The following AKAP6 variants were observed in gnomAD, a reference collection of about 807,000 sequenced individuals.
AKAP6 encodes A-kinase anchor protein 6.
Under a neutral mutation model 188.5 loss-of-function variants are expected in AKAP6, and 58 were observed. That is an observed-to-expected ratio of 0.31 (90% confidence interval 0.25 to 0.38). The LOEUF (loss-of-function observed/expected upper bound fraction) is 0.38, where lower values mean the gene tolerates loss of function less well. AKAP6 is among the 10% of genes least tolerant of loss of function. The pLI is 1.00. For missense variants in AKAP6, 2,710 were observed against 2,740.0 expected, an observed-to-expected ratio of 0.99 and a Z score of 0.24; for synonymous variants, 989 against 998.6, an observed-to-expected ratio of 0.99 and a Z score of 0.18.
At chr14:32,718,384 G>A (rs982495591) in intron 9 of AKAP6, 10 of 959,058 alleles carry the variant, frequency 1.0e-5, no homozygotes, top group Non-Finnish European at 1.2e-5. Context: ...ACAAATATGG[G>A]TAGGTACCCA....
intron 5 of AKAP6, among the ~76,000 whole-genome samples, chr14:32,582,740 C>G (rs1196274091): frequency 6.6e-6 from 1 of 152,124 alleles, no homozygotes; most frequent in East Asian, 1.9e-4. Context: ...TCATTCATTT[C>G]ATCTTCCATC....
chr14:32,608,390 C>CTTAGGA (rs1886213400), intron 7 of AKAP6, among the ~76,000 whole-genome samples: 1 of 150,006 alleles, frequency 6.7e-6, no homozygotes, highest in Non-Finnish European at 1.5e-5. Flanking sequence ...GTCCCAGCTA[C>CTTAGGA]TTAGGAGGCT....
chr14:32,593,171 A>G (rs1378394332), intron 5 of AKAP6, among the ~76,000 whole-genome samples: 4 of 152,130 alleles, frequency 2.6e-5, no homozygotes, highest in African/African-American at 9.7e-5. Flanking sequence ...ATAAGAAATA[A>G]GTCTAGTTTT....
chr14:32,727,071 T>C (rs912900830), intron 9 of AKAP6, among the ~76,000 whole-genome samples: 1 of 152,154 alleles, frequency 6.6e-6, no homozygotes, highest in African/African-American at 2.4e-5. Context: ...TCTAAGGGGA[T>C]AGAGAACCGT....
intron 12 of AKAP6, among the ~76,000 whole-genome samples, chr14:32,799,552 G>C (rs1051170292): frequency 4.0e-5 from 6 of 151,738 alleles, no homozygotes; most frequent in Non-Finnish European, 7.4e-5. Context: ...ATTTTTTATT[G>C]AGACTTCTTT....
At chr14:32,471,659 C>A (rs1594649805) in intron 2 of AKAP6, among the ~76,000 whole-genome samples, 1 of 152,300 alleles carries the variant, frequency 6.6e-6, no homozygotes, top group East Asian at 1.9e-4. Flanking sequence ...ATCCTGTACC[C>A]CCCACCAGGG....
At chr14:32,471,767 T>G (rs1418213332) in intron 2 of AKAP6, among the ~76,000 whole-genome samples, 1 of 152,322 alleles carries the variant, frequency 6.6e-6, no homozygotes, top group African/African-American at 2.4e-5. Context: ...ACCTCCATTT[T>G]AACAGTAATT....
intron 1 of AKAP6, among the ~76,000 whole-genome samples, chr14:32,332,576 A>C (rs1051827068): frequency 6.6e-6 from 1 of 152,132 alleles, no homozygotes; most frequent in African/African-American, 2.4e-5. Context: ...TTGCACTCAA[A>C]GCAGGTCTTA....
chr14:32,472,857 T>C (rs1878855727), intron 2 of AKAP6, among the ~76,000 whole-genome samples: 1 of 151,952 alleles, frequency 6.6e-6, no homozygotes. Context: ...AACTTAAAGG[T>C]CGTGAAAATA....
chr14:32,523,155 C>T (rs562419576), intron 2 of AKAP6, among the ~76,000 whole-genome samples: 1 of 136,548 alleles, frequency 7.3e-6, no homozygotes, highest in Non-Finnish European at 1.6e-5. Flanking sequence ...GGGTGGGGAA[C>T]ATCACACACC....
chr14:32,594,366 A>G (rs144757025), intron 5 of AKAP6, among the ~76,000 whole-genome samples: 115 of 152,244 alleles, frequency 7.6e-4, no homozygotes, highest in African/African-American at 2.6e-3. Context: ...ACAATTTGGA[A>G]TCTTCATTTT....
intron 7 of AKAP6, among the ~76,000 whole-genome samples, chr14:32,652,209 T>C (rs1888261157): frequency 6.6e-6 from 1 of 152,204 alleles, no homozygotes; most frequent in African/African-American, 2.4e-5. Flanking sequence ...TCCGTCATTT[T>C]ATCCTTCCAA....
At chr14:32,810,230 A>G (rs1234320185) in intron 12 of AKAP6, among the ~76,000 whole-genome samples, 3 of 148,652 alleles carry the variant, frequency 2.0e-5, no homozygotes, top group African/African-American at 7.5e-5. Flanking sequence ...AGGAGATTAA[A>G]ATGACCCCAA....
At chr14:32,800,165 C>T (rs146523126) in intron 12 of AKAP6, among the ~76,000 whole-genome samples, 56,462 of 143,150 alleles carry the variant, frequency 0.39, 11,222 homozygotes, top group Non-Finnish European at 0.41. Context: ...TATATATACA[C>T]ATATATATAC....
chr14:32,677,849 G>A (rs1456508544), intron 7 of AKAP6, among the ~76,000 whole-genome samples: 1 of 152,212 alleles, frequency 6.6e-6, no homozygotes, highest in Non-Finnish European at 1.5e-5. Flanking sequence ...TATTGTGATT[G>A]TTGAAGAGGT....
In AKAP6 at chr14:32,824,573, G is replaced by T; in HGVS notation, c.6760G>T (p.Glu2254Ter). 1 of 1,613,918 alleles carries T rather than the reference G, an allele frequency of 6.2e-7. No homozygotes were observed. Among genetic ancestry groups the T allele is most frequent in the Non-Finnish European group, 8.5e-7 (1 of 1,179,938 alleles). Residue 2254 changes from glutamate to a stop codon, truncating the protein, a stop_gained, in exon 13 of 14, where the codon GAA (glutamate) becomes TAA (stop). Coordinates refer to ENST00000280979, the MANE Select transcript of AKAP6 (RefSeq NM_004274.5). LOFTEE classifies it high-confidence loss of function. The stretch of plus-strand genomic sequence containing the variant: ...TCCTTCAAAGCTTGACAGTGAAAAG[G>T]AAAGTTCCGGAAAACCAGGTGAATC... Reference protein sequence around the residue: ...FTPSKLDSEKESSGKPGESGM... With the variant: ...FTPSKLDSEK
At chr14:32,779,153 T>C (rs1488625530) in intron 12 of AKAP6, among the ~76,000 whole-genome samples, 1 of 151,950 alleles carries the variant, frequency 6.6e-6, no homozygotes, top group Non-Finnish European at 1.5e-5. Flanking sequence ...TTCAGCACTT[T>C]GGGAGGCTGA....
intron 7 of AKAP6, among the ~76,000 whole-genome samples, chr14:32,659,176 C>G (rs1250761116): frequency 6.6e-6 from 1 of 152,058 alleles, no homozygotes. Context: ...CATGGCTGCT[C>G]CAAGTAAAAC....
intron 7 of AKAP6, among the ~76,000 whole-genome samples, chr14:32,626,541 A>C (rs1260301837): frequency 6.6e-6 from 1 of 152,058 alleles, no homozygotes; most frequent in Non-Finnish European, 1.5e-5. Flanking sequence ...ATTGGCCCTT[A>C]GTTCTATTGC....
Sources: gnomAD v4.1 joint callset for allele counts (sites outside exome capture counted in the v4.1 genomes callset) on GRCh38, gnomAD v4.1.1 for gene constraint, MANE v1.5 for transcripts, NCBI Gene and HGNC (gene_info 2026-07-23, HGNC 2026-07-21) for gene names.